The following CEACAM21 variants were observed in gnomAD, a reference collection of about 807,000 sequenced individuals.
The protein encoded by CEACAM21 is cell adhesion molecule CEACAM21.
In CEACAM21, 38 loss-of-function variants were observed where a neutral mutation model predicts 33.2. That is an observed-to-expected ratio of 1.14 (90% CI 0.88 to 1.50). The LOEUF (loss-of-function observed/expected upper bound fraction) is 1.50, where lower values mean the gene tolerates loss of function less well. Ranked by LOEUF, CEACAM21 falls within the 40% of genes most tolerant of loss-of-function variation. The pLI is 0.00. For missense variants in CEACAM21, 385 were observed against 364.6 expected (o/e 1.06, Z -0.46); for synonymous variants, 156 against 143.0 (o/e 1.09, Z -0.65).
chr19:41,556,461 T>C (rs1555785621), intron 1 of CEACAM21, among the ~76,000 whole-genome samples: 1 of 152,212 alleles, frequency 6.6e-6, no homozygotes, highest in African/African-American at 2.4e-5. Context: ...GTACATATAA[T>C]TAAATATTAG....
chr19:41,571,247 C>T (rs1218661080), upstream of CEACAM21, among the ~76,000 whole-genome samples: 21 of 87,654 alleles, frequency 2.4e-4, no homozygotes, highest in South Asian at 6.1e-4. Flanking sequence ...GGAGAAGAAT[C>T]GCATGTGTGG....
upstream of CEACAM21, among the ~76,000 whole-genome samples, chr19:41,574,594 C>T (rs2042812209): frequency 6.6e-6 from 1 of 152,262 alleles, no homozygotes; most frequent in East Asian, 1.9e-4. Context: ...AAATGCTCAA[C>T]TTCATCAGCC....
chr19:41,583,190 T>C (rs1163705763), intron 3 of CEACAM21, among the ~76,000 whole-genome samples: 2 of 152,170 alleles, frequency 1.3e-5, no homozygotes, highest in African/African-American at 4.8e-5. Context: ...AGGGGCAAAA[T>C]ACCACCAATC....
intron 1 of CEACAM21, chr19:41,553,896 C>T (rs2041377204): frequency 6.6e-6 from 1 of 152,014 alleles, no homozygotes; most frequent in Non-Finnish European, 1.5e-5. Context: ...TGCACTTATG[C>T]AAATAACTAT....
At position 41,581,743 on chromosome 19, in the gene CEACAM21, T is replaced by A. The variant is rs561056267; in HGVS notation, c.700+2115T>A. 5.3e-5 allele frequency among the ~76,000 whole-genome samples: 8 copies of A among 152,308 alleles called. No homozygotes were observed. The South Asian group carries it at 1.5e-3, about 28-fold the overall frequency. ...CAGATCTTGTGAGACTTATTCACTA[T>A]CATGAGAACAGCATGGGAAGAATCC... On this transcript the variant is annotated intron_variant, in intron 3 of 6. Coordinates refer to ENST00000401445, the MANE Select transcript of CEACAM21 (RefSeq NM_001098506.4).
At chr19:41,576,986 T>C (rs1317376597) in intron 1 of CEACAM21, among the ~76,000 whole-genome samples, 1 of 151,962 alleles carries the variant, frequency 6.6e-6, no homozygotes, top group Non-Finnish European at 1.5e-5. Flanking sequence ...GAGGGAACCA[T>C]GCAGACCCCT....
rs111754942 is a variant in CEACAM21, at chr19:41,578,746, C to G, written c.425-607C>G. 1.1e-4 allele frequency among the ~76,000 whole-genome samples: 16 copies of G among 152,302 alleles called. 1 individual carries two copies. Among genetic ancestry groups the G allele is most frequent in the African/African-American group, 3.9e-4 (16 of 41,556 alleles). ...ATTGTCCAAGCCTCTCCCATCAGATCCACATTCCTTCCCTCACTGGACGTG... is the reference window on the plus strand; with the variant it reads ...ATTGTCCAAGCCTCTCCCATCAGATGCACATTCCTTCCCTCACTGGACGTG... On this transcript the variant is annotated intron_variant, in intron 2 of 6. Coordinates refer to ENST00000401445, the MANE Select transcript of CEACAM21 (RefSeq NM_001098506.4).
At chr19:41,583,848 T>C (rs1033303912) in intron 3 of CEACAM21, among the ~76,000 whole-genome samples, 6 of 152,094 alleles carry the variant, frequency 3.9e-5, no homozygotes, top group Non-Finnish European at 8.8e-5. Context: ...GAACACCAAA[T>C]ACGTATTTCA....
chr19:41,554,666 T>G (rs1011322949), intron 1 of CEACAM21, among the ~76,000 whole-genome samples: 1 of 151,984 alleles, frequency 6.6e-6, no homozygotes, highest in African/African-American at 2.4e-5. Flanking sequence ...GATAGACATA[T>G]TTACCCAATT....
At chr19:41,553,270 CATTTTTGT>C (rs1488436214) in intron 1 of CEACAM21, among the ~76,000 whole-genome samples, 1 of 151,716 alleles carries the variant, frequency 6.6e-6, no homozygotes, top group Non-Finnish European at 1.5e-5. Flanking sequence ...ATGCCCGGCT[CATTTTTGT>C]ATTTTTGTAG....
At chr19:41,584,720 G>C (rs782289171) in intron 4 of CEACAM21, among the ~76,000 whole-genome samples, 1 of 152,152 alleles carries the variant, frequency 6.6e-6, no homozygotes, top group Non-Finnish European at 1.5e-5. Flanking sequence ...CCTGGAGCAG[G>C]GGGGAGCGGT....
chr19:41,579,347 C>G lies in CEACAM21; in HGVS notation c.425-6C>G. The G allele has an allele frequency of 6.2e-7, 1 of 1,613,996 alleles. No homozygotes were observed. The highest frequency in any genetic ancestry group is 8.5e-7 in the Non-Finnish European group (1 of 1,179,876). ...AGACACTTTCTGTTGGTCACTCTAT[C>G]CACAGAGTCAGTGGCTCAGCCCTCC... On this transcript the variant is annotated splice_polypyrimidine_tract_variant and splice_region_variant and intron_variant, in intron 2 of 6. Transcript: ENST00000401445.
Position 41,566,412 on chromosome 19 carries a change from T to C in CEACAM21, c.-404+1356T>C, listed in dbSNP as rs149378098. ...ACTTTATAAAATTTTCAAAATTCTC[T>C]AAAAACCTATTGAGATAATTAAACA... is the stretch of plus-strand genomic sequence containing the variant. On this transcript the variant is annotated intron_variant, in intron 2 of 7. Coordinates refer to the CEACAM21 transcript ENST00000407170. Among the ~76,000 whole-genome samples the C allele has an allele frequency of 8.5e-5, 13 of 152,376 alleles. No homozygotes were observed. The East Asian group carries it at 2.5e-3, about 29-fold the overall frequency.
At chr19:41,584,472 C>A in intron 4 of CEACAM21, 29 bp downstream of exon 4, 2 of 1,573,116 alleles carry the variant, frequency 1.3e-6, no homozygotes, top group Non-Finnish European at 8.7e-7. Context: ...ATTCTGCTCC[C>A]ATCCTTCACG....
intron 2 of CEACAM21, chr19:41,565,562 TCA>T (rs1491362759): frequency 2.4e-5 from 2 of 83,732 alleles, no homozygotes; most frequent in African/African-American, 2.3e-4. Flanking sequence ...CCCTTGTTTT[TCA>T]CAGACAGGCT....
At chr19:41,551,441 G>A (rs1475596295) in intron 1 of CEACAM21, 1 of 152,114 alleles carries the variant, frequency 6.6e-6, no homozygotes, top group East Asian at 1.9e-4. Flanking sequence ...TACAGGCATG[G>A]GCTACCACGT....
At chr19:41,554,062 T>G (rs1231318299) in intron 1 of CEACAM21, among the ~76,000 whole-genome samples, 1 of 152,056 alleles carries the variant, frequency 6.6e-6, no homozygotes, top group Non-Finnish European at 1.5e-5. Flanking sequence ...GCCTTGACTC[T>G]GAAAAGCAAA....
chr19:41,571,990 T>C (rs1024760696), upstream of CEACAM21, among the ~76,000 whole-genome samples: 1 of 151,886 alleles, frequency 6.6e-6, no homozygotes, highest in Non-Finnish European at 1.5e-5. Flanking sequence ...TTCCACCTCC[T>C]TGGGAAAAGT....
In CEACAM21 at chr19:41,577,326, G is replaced by T. The variant is rs1171547964; in HGVS notation, c.191G>T (p.Ser64Ile). ...SVVYLPENLYSYGWYKGKTVE... is the reference protein window; with the variant it reads ...SVVYLPENLYIYGWYKGKTVE... ...GTTTATCTGCCCGAGAATCTTTACA[G>T]CTATGGCTGGTACAAAGGGAAAACG... Residue 64 changes from serine to isoleucine, a missense_variant, in exon 2 of 7, where the codon AGC (serine) becomes ATC (isoleucine). Coordinates refer to ENST00000401445, the MANE Select transcript of CEACAM21 (RefSeq NM_001098506.4). 1 of 1,614,054 alleles carries T rather than the reference G, an allele frequency of 6.2e-7. No homozygotes were observed. The highest frequency in any genetic ancestry group is 8.5e-7 in the Non-Finnish European group (1 of 1,179,980).
Sources: gnomAD v4.1 joint callset for allele counts (sites outside exome capture counted in the v4.1 genomes callset) on GRCh38, gnomAD v4.1.1 for gene constraint, MANE v1.5 for transcripts, NCBI Gene and HGNC (gene_info 2026-07-23, HGNC 2026-07-21) for gene names.